ADCK1: variants seen among roughly 807,000 people sequenced by gnomAD.
ADCK1 encodes aarF domain containing kinase 1.
In ADCK1, 41 loss-of-function variants were observed where a neutral mutation model predicts 52.3. That is an observed-to-expected ratio of 0.78 (90% CI 0.61 to 1.02). ADCK1 has a LOEUF of 1.02. Ranked by LOEUF, ADCK1 falls within the 50% of genes least tolerant of loss-of-function variation. The pLI, the probability that ADCK1 is intolerant of heterozygous loss-of-function variation, is 0.00. For missense variants in ADCK1, 658 were observed against 679.5 expected, an observed-to-expected ratio of 0.97 and a Z score of 0.35; for synonymous variants, 250 against 274.6, an observed-to-expected ratio of 0.91 and a Z score of 0.89.
chr14:77,866,269 G>A (rs1293195528), intron 4 of ADCK1, among the ~76,000 whole-genome samples: 1 of 152,142 alleles, frequency 6.6e-6, no homozygotes, highest in Non-Finnish European at 1.5e-5. Flanking sequence ...TAAAAATATG[G>A]TATTATTAAT....
In ADCK1 at chr14:77,925,753, C is replaced by A. The variant is rs554939125; in HGVS notation, c.1009-11C>A. The A allele has an allele frequency of 6.2e-7, 1 of 1,613,884 alleles. No homozygotes were observed. The highest frequency in any genetic ancestry group is 1.3e-5 in the African/African-American group (1 of 75,046). ...GAGGCTTAGGTCCCACCGCTGCCGC[C>A]TCCACCCTAGATGCTCACGGAAGAA... On this transcript the variant is annotated splice_polypyrimidine_tract_variant and intron_variant, in intron 8 of 10. Coordinates refer to ENST00000238561, the MANE Select transcript of ADCK1 (RefSeq NM_020421.4).
intron 1 of ADCK1, among the ~76,000 whole-genome samples, chr14:77,807,508 A>ATTTT (rs35510266): frequency 1.5e-5 from 2 of 130,314 alleles, no homozygotes; most frequent in African/African-American, 5.8e-5. Flanking sequence ...CGCCCAGCTA[A>ATTTT]TTTTTTTTTT....
chr14:77,904,528 G>A lies in ADCK1; in HGVS notation c.742-3275G>A, dbSNP rs751384018. Among the ~76,000 whole-genome samples, 4 of 152,266 alleles carry A rather than the reference G, an allele frequency of 2.6e-5. No homozygotes were observed. The East Asian group carries it at 5.8e-4, about 22-fold the overall frequency. On this transcript the variant is annotated intron_variant, in intron 6 of 10. Coordinates refer to ENST00000238561, the MANE Select transcript of ADCK1 (RefSeq NM_020421.4). ...GGGCACTGTCTCAGACAAGCCAGGC[G>A]CAGCCTGTTTCGTGGGCATGTTGAC...
rs764941665 is a variant in ADCK1 at position 77,819,360 on chromosome 14, C to T, written c.135+247C>T. The stretch of plus-strand genomic sequence containing the variant: ...AGGGGTTCCTGTGATCCTGAGGTAA[C>T]ATAGAATGGGACTGCACTGGGTCTG... On this transcript the variant is annotated intron_variant, in intron 2 of 10. Coordinates refer to ENST00000238561, the MANE Select transcript of ADCK1 (RefSeq NM_020421.4). Among the ~76,000 whole-genome samples, 43 of 152,174 alleles carry T rather than the reference C, an allele frequency of 2.8e-4. 1 individual carries two copies. The highest frequency in any genetic ancestry group is 5.7e-4 in the Non-Finnish European group (39 of 68,036).
chr14:77,882,971 C>CT lies in ADCK1; in HGVS notation c.424-4114dup, dbSNP rs1416668334. Among the ~76,000 whole-genome samples, 12 of 113,722 alleles carry CT rather than the reference C, an allele frequency of 1.1e-4. No individual in the cohort carries two copies. In the South Asian group the frequency reaches 1.3e-3, roughly 13 times the overall value. 74.6% of individuals were successfully genotyped at this position (113,722 alleles called of 152,430 possible). A position where few individuals can be genotyped will look rare whatever the true frequency, so the allele number is the denominator to read the frequency against. ...TTCTTACACCACCCCCCCCCCCGTG[C>CT]TTTTTTGCTCATTAAATGACAAACA... On this transcript the variant is annotated intron_variant, in intron 4 of 10. Coordinates refer to ENST00000238561, the MANE Select transcript of ADCK1 (RefSeq NM_020421.4).
intron 1 of ADCK1, among the ~76,000 whole-genome samples, chr14:77,814,229 CCACCA>C (rs2081393679): frequency 1.3e-5 from 2 of 151,988 alleles, no homozygotes; most frequent in South Asian, 4.1e-4. Context: ...CAGGTGCATG[CCACCA>C]CACCCAGCTG....
intron 5 of ADCK1, among the ~76,000 whole-genome samples, chr14:77,895,911 T>C (rs777457256): frequency 7.2e-5 from 11 of 152,128 alleles, no homozygotes; most frequent in Non-Finnish European, 1.3e-4. Flanking sequence ...TGACATTCCA[T>C]AAATCTGAGA....
chr14:77,866,805 G>A (rs2082670257), intron 4 of ADCK1, among the ~76,000 whole-genome samples: 1 of 152,128 alleles, frequency 6.6e-6, no homozygotes, highest in Admixed American at 6.5e-5. Context: ...CCGGGTGTGG[G>A]CTATATCCAG....
At chr14:77,805,014 C>T (rs1426053194) in intron 1 of ADCK1, among the ~76,000 whole-genome samples, 5 of 151,826 alleles carry the variant, frequency 3.3e-5, no homozygotes, top group Non-Finnish European at 7.4e-5. Flanking sequence ...TGAGACCAGC[C>T]TGACCAACAT....
intron 3 of ADCK1, among the ~76,000 whole-genome samples, chr14:77,856,925 C>G (rs2082428462): frequency 6.6e-6 from 1 of 151,908 alleles, no homozygotes; most frequent in African/African-American, 2.4e-5. Context: ...TCGCTTGTAT[C>G]TGGGAGATGG....
intron 5 of ADCK1, among the ~76,000 whole-genome samples, chr14:77,896,546 T>G (rs529489746): frequency 6.6e-6 from 1 of 152,368 alleles, no homozygotes; most frequent in South Asian, 2.1e-4. Context: ...TTAGATGGCA[T>G]GGCTGGCCTC....
At chr14:77,830,907 G>A (rs992765687) in intron 3 of ADCK1, among the ~76,000 whole-genome samples, 2 of 152,170 alleles carry the variant, frequency 1.3e-5, no homozygotes, top group South Asian at 2.1e-4. Context: ...TTACTATAGC[G>A]CCTAATATTT....
chr14:77,878,133 A>G (rs1221596476), intron 4 of ADCK1, among the ~76,000 whole-genome samples: 1 of 152,180 alleles, frequency 6.6e-6, no homozygotes, highest in Non-Finnish European at 1.5e-5. Flanking sequence ...CTTGACTTCT[A>G]AGTTCTAGCT....
intron 4 of ADCK1, among the ~76,000 whole-genome samples, chr14:77,865,387 G>A (rs144210243): frequency 2.6e-5 from 4 of 152,270 alleles, no homozygotes; most frequent in Admixed American, 2.6e-4. Context: ...GGAGGGTGAG[G>A]CAGGAGAATC....
chr14:77,903,214 G>A (rs977599973), intron 6 of ADCK1, among the ~76,000 whole-genome samples: 1 of 152,248 alleles, frequency 6.6e-6, no homozygotes, highest in Admixed American at 6.5e-5. Context: ...AGACAGTGGT[G>A]GAATTAAGGC....
At chr14:77,848,843 T>G (rs2082224662) in intron 3 of ADCK1, among the ~76,000 whole-genome samples, 2 of 145,938 alleles carry the variant, frequency 1.4e-5, no homozygotes, top group Non-Finnish European at 3.0e-5. Context: ...TTTTTTTTTT[T>G]GAGACGGAGT....
intron 3 of ADCK1, among the ~76,000 whole-genome samples, chr14:77,824,416 C>T (rs945533026): frequency 3.4e-5 from 5 of 147,758 alleles, no homozygotes; most frequent in South Asian, 2.2e-4. Context: ...ATGTCTTTTC[C>T]TTTCTTTCTT....
chr14:77,874,549 G>A (rs898390973), intron 4 of ADCK1, among the ~76,000 whole-genome samples: 2 of 152,150 alleles, frequency 1.3e-5, no homozygotes, highest in African/African-American at 2.4e-5. Flanking sequence ...TGTCTCCCAG[G>A]CTGGGGTGGG....
intron 5 of ADCK1, among the ~76,000 whole-genome samples, chr14:77,889,615 C>G (rs147108679): frequency 1.3e-5 from 2 of 152,286 alleles, no homozygotes; most frequent in East Asian, 3.9e-4. Flanking sequence ...TGCCTCTGGG[C>G]AAAACCTAGC....
Sources: allele counts gnomAD v4.1 joint callset (sites outside exome capture counted in the v4.1 genomes callset), GRCh38; gene constraint gnomAD v4.1.1; transcripts MANE v1.5; gene names NCBI Gene and HGNC (gene_info 2026-07-23, HGNC 2026-07-21).